Variants in ZC3H6 observed in about 807,000 individuals in gnomAD.
The protein encoded by ZC3H6 is zinc finger CCCH domain-containing protein 6.
Under a neutral mutation model 107.7 loss-of-function variants are expected in ZC3H6, and 40 were observed. That is an observed-to-expected ratio of 0.37 (90% CI 0.29 to 0.48). The LOEUF (loss-of-function observed/expected upper bound fraction) is 0.48, where lower values mean the gene tolerates loss of function less well. ZC3H6 is among the 20% of genes least tolerant of loss of function. The probability of loss-of-function intolerance (pLI) is 0.98; values close to 1 mark genes in which losing one functional copy is unlikely to be tolerated. For synonymous variants in ZC3H6, 493 were observed against 487.9 expected (o/e 1.01, Z -0.14); for missense variants, 1,267 against 1,410.4 (o/e 0.90, Z 1.63).
At chr2:112,321,337 TATA>T (rs1676797326) in intron 7 of ZC3H6, among the ~76,000 whole-genome samples, 1 of 150,870 alleles carries the variant, frequency 6.6e-6, no homozygotes, top group Non-Finnish European at 1.5e-5. Context: ...GTAATTAAAA[TATA>T]ATAGTGTTTG....
Position 112,318,879 on chromosome 2 carries a change from A to G in ZC3H6, c.976+1547A>G, listed in dbSNP as rs1676749589. On this transcript the variant is annotated intron_variant, in intron 7 of 11. Coordinates refer to ENST00000409871, the MANE Select transcript of ZC3H6 (RefSeq NM_198581.3). ...ACACCTGAAAGGACTGATCAGTCTT[A>G]ACATTACTAAAAAGAAACAACCAGA... Among the ~76,000 whole-genome samples, 8 of 152,332 alleles carry G rather than the reference A, an allele frequency of 5.3e-5. No individual in the cohort carries two copies. In the South Asian group the frequency reaches 1.7e-3, roughly 32 times the overall value.
chr2:112,275,908 G>T lies in ZC3H6; in HGVS notation c.-87G>T. ...CGGCGGCGGCCGGGAGCAGGTTCCCGCAGGCGGCGCGGGGGGTCTTCCCCG... is the reference window on the plus strand; with the variant it reads ...CGGCGGCGGCCGGGAGCAGGTTCCCTCAGGCGGCGCGGGGGGTCTTCCCCG... On this transcript the variant is annotated 5_prime_UTR_variant, in exon 1 of 12. Coordinates refer to ENST00000409871, the MANE Select transcript of ZC3H6 (RefSeq NM_198581.3). 8 of 1,253,830 alleles carry T rather than the reference G, an allele frequency of 6.4e-6. No individual in the cohort carries two copies. Among genetic ancestry groups the T allele is most frequent in the Non-Finnish European group, 6.5e-6 (6 of 924,384 alleles). 77.7% of individuals were successfully genotyped at this position (1,253,830 alleles called of 1,614,324 possible). A position where few individuals can be genotyped will look rare whatever the true frequency, so the allele number is the denominator to read the frequency against.
chr2:112,298,975 T>TA lies in ZC3H6; in HGVS notation c.33-867dup, dbSNP rs561736494. Among the ~76,000 whole-genome samples, 593 of 152,076 alleles carry TA rather than the reference T, an allele frequency of 3.9e-3. 4 individuals carry two copies. Among genetic ancestry groups the TA allele is most frequent in the African/African-American group, 0.014 (570 of 41,476 alleles). On this transcript the variant is annotated intron_variant, in intron 1 of 11. Transcript: ENST00000409871. Reference sequence around the variant, plus strand: ...AAGAATTATTTTTTAGAAATAAAAATAAAAAAAGAATAATTTGGCCGGGTG... The same window carrying TA: ...AAGAATTATTTTTTAGAAATAAAAATAAAAAAAAGAATAATTTGGCCGGGTG...
At chr2:112,284,097 T>A (rs547217106) in intron 1 of ZC3H6, among the ~76,000 whole-genome samples, 1 of 152,344 alleles carries the variant, frequency 6.6e-6, no homozygotes, top group East Asian at 1.9e-4. Context: ...CTTTCTTGCA[T>A]GGATTTTTCT....
chr2:112,330,784 T>A (rs1330512064), intron 11 of ZC3H6, among the ~76,000 whole-genome samples: 1 of 152,272 alleles, frequency 6.6e-6, no homozygotes, highest in East Asian at 1.9e-4. Context: ...TCTTACCACA[T>A]CTTATTTTGT....
intron 3 of ZC3H6, 41 bp downstream of exon 3, chr2:112,303,392 A>T: frequency 6.7e-7 from 1 of 1,503,686 alleles, no homozygotes; most frequent in Admixed American, 1.8e-5. Flanking sequence ...CATAGATAGC[A>T]TAAAATGTAC....
rs1677031568 is a variant in ZC3H6 at position 112,331,531 on chromosome 2, C to G, written c.2613C>G (p.Pro871=). ...AAATGGACATTACTCTAACCAAACC[C>G]AACTTTGCAAAACACATCGTGTGGG... is the stretch of plus-strand genomic sequence containing the variant. ...HIKMDITLTK[P]NFAKHIVWAP... is the part of the protein sequence containing the mutation. The change falls in exon 12 of 12, where the codon CCC becomes CCG. Residue 871 remains proline, a synonymous_variant. Coordinates refer to ENST00000409871, the MANE Select transcript of ZC3H6 (RefSeq NM_198581.3). The G allele has an allele frequency of 6.2e-7, 1 of 1,613,974 alleles. No individual in the cohort carries two copies. Among genetic ancestry groups the G allele is most frequent in the East Asian group, 2.2e-5 (1 of 44,874 alleles).
intron 1 of ZC3H6, among the ~76,000 whole-genome samples, chr2:112,288,729 T>C (rs980968473): frequency 8.5e-5 from 13 of 152,234 alleles, no homozygotes; most frequent in African/African-American, 3.1e-4. Flanking sequence ...GTTATTCTCA[T>C]TTAACACTCC....
In ZC3H6 at chr2:112,332,289, T is replaced by A. The variant is rs1677051697; in HGVS notation, c.3371T>A (p.Val1124Asp). Reference sequence around the variant, plus strand: ...GACGTTCCCAGGAGTTCTGGTAAGGTTCAGGTCCCAGCAGTGCACAGCCTT... The same window carrying A: ...GACGTTCCCAGGAGTTCTGGTAAGGATCAGGTCCCAGCAGTGCACAGCCTT... ...QADVPRSSGK[V>D]QVPAVHSLPV... The change falls in exon 12 of 12, where the codon GTT (valine) becomes GAT (aspartate). Residue 1124 changes from valine to aspartate, a missense_variant. By Grantham distance (152) the Val-to-Asp change is radical. Around this residue, in one of 3 missense-constraint regions of ZC3H6, gnomAD observed 925 missense variants for 1,025.7 expected, o/e 0.90. Transcript: ENST00000409871. The A allele has an allele frequency of 1.2e-6, 2 of 1,613,726 alleles. No homozygotes were observed. The highest frequency in any genetic ancestry group is 1.1e-5 in the South Asian group (1 of 91,066).
intron 3 of ZC3H6, among the ~76,000 whole-genome samples, chr2:112,309,405 G>A (rs1339078235): frequency 6.6e-6 from 1 of 152,064 alleles, no homozygotes; most frequent in African/African-American, 2.4e-5. Context: ...TTAGACCCTT[G>A]ATATAGACAT....
intron 1 of ZC3H6, among the ~76,000 whole-genome samples, chr2:112,283,322 T>C (rs1227005609): frequency 1.3e-5 from 2 of 152,240 alleles, no homozygotes; most frequent in Admixed American, 6.5e-5. Flanking sequence ...TGTTTTGTTT[T>C]TCTTTATTTG....
chr2:112,282,935 T>C (rs755195607), intron 1 of ZC3H6, among the ~76,000 whole-genome samples: 3 of 152,236 alleles, frequency 2.0e-5, no homozygotes, highest in Non-Finnish European at 4.4e-5. Context: ...GCTTATATGA[T>C]AGTGTTTTGT....
At chr2:112,297,114 G>A (rs1206028837) in intron 1 of ZC3H6, among the ~76,000 whole-genome samples, 2 of 152,076 alleles carry the variant, frequency 1.3e-5, no homozygotes, top group Non-Finnish European at 2.9e-5. Context: ...GTGAGCAGAG[G>A]GAACCATTGA....
intron 11 of ZC3H6, among the ~76,000 whole-genome samples, chr2:112,327,555 T>A (rs1476545359): frequency 6.6e-6 from 1 of 152,196 alleles, no homozygotes; most frequent in African/African-American, 2.4e-5. Context: ...TGCCTACGCT[T>A]GTGAGGTATT....
intron 1 of ZC3H6, among the ~76,000 whole-genome samples, chr2:112,276,258 C>A (rs1444235825): frequency 6.7e-6 from 1 of 148,952 alleles, no homozygotes; most frequent in Non-Finnish European, 1.5e-5. Flanking sequence ...CCGGCCCCGC[C>A]CCCGGCCGGG....
At chr2:112,293,487 G>C (rs1055671031) in intron 1 of ZC3H6, among the ~76,000 whole-genome samples, 1 of 152,154 alleles carries the variant, frequency 6.6e-6, no homozygotes, top group African/African-American at 2.4e-5. Context: ...TTTTCAAGAG[G>C]AACTGTTTAT....
chr2:112,291,400 A>G (rs1168457490), intron 1 of ZC3H6, among the ~76,000 whole-genome samples: 1 of 152,132 alleles, frequency 6.6e-6, no homozygotes. Context: ...TTCCTGGCCA[A>G]TTTTTGTAGT....
intron 1 of ZC3H6, among the ~76,000 whole-genome samples, chr2:112,291,115 ATTAG>A (rs1305201874): frequency 8.1e-4 from 124 of 152,230 alleles, no homozygotes; most frequent in African/African-American, 2.4e-4. Flanking sequence ...ACATCTAAAA[ATTAG>A]TTAGGGGTTT....
Position 112,275,986 on chromosome 2 carries a change from T to C in ZC3H6, c.-9T>C. 2 of 1,536,546 alleles carry C rather than the reference T, an allele frequency of 1.3e-6. No individual in the cohort carries two copies. Among genetic ancestry groups the C allele is most frequent in the Middle Eastern group, 1.9e-4 (1 of 5,268 alleles). On this transcript the variant is annotated 5_prime_UTR_variant, in exon 1 of 12. Coordinates refer to ENST00000409871, the MANE Select transcript of ZC3H6 (RefSeq NM_198581.3). The stretch of plus-strand genomic sequence containing the variant: ...CTGCCCTCCAGCCCCGCCCCGTTCT[T>C]GACCAAACATGACAGACTCTGAACA...
Sources: allele counts gnomAD v4.1 joint callset (sites outside exome capture counted in the v4.1 genomes callset), GRCh38; gene constraint gnomAD v4.1.1; regional missense constraint gnomAD v4.1.1; transcripts MANE v1.5; gene names NCBI Gene and HGNC (gene_info 2026-07-23, HGNC 2026-07-21).